Variants in ZNF668 observed in about 807,000 individuals in gnomAD.
ZNF668 encodes the protein zinc finger protein 668.
A neutral mutation model predicts 40.3 loss-of-function variants in ZNF668; 10 were observed. The ratio of observed to expected loss-of-function variants is 0.25; its 90% CI spans 0.15 to 0.42. The LOEUF is 0.42. Among genes scored for constraint, ZNF668 ranks in the 10% least tolerant of loss-of-function variants. The pLI is 1.00. For missense variants in ZNF668, 749 were observed against 904.6 expected, an observed-to-expected ratio of 0.83 and a Z score of 2.21; for synonymous variants, 428 against 384.6, an observed-to-expected ratio of 1.11 and a Z score of -1.32.
At chr16:31,064,677 G>A (rs878921929) in intron 1 of ZNF668, 196 bp from the exon 2 acceptor site, 3 of 1,536,024 alleles carry the variant, frequency 2.0e-6, no homozygotes, top group Admixed American at 2.0e-5. Flanking sequence ...CCAAGTGTCC[G>A]CAGAGCCACT....
intron 1 of ZNF668, among the ~76,000 whole-genome samples, chr16:31,068,673 C>T (rs1482625088): frequency 6.6e-6 from 1 of 152,084 alleles, no homozygotes; most frequent in Non-Finnish European, 1.5e-5. Flanking sequence ...GTGGTGCAGT[C>T]ATGGCTTACT....
Position 31,063,847 on chromosome 16 carries a change from AGGCTTT to A in ZNF668, c.607_612del (p.Lys203_Ala204del). On this transcript the variant is annotated inframe_deletion, in exon 2 of 3. Coordinates refer to ENST00000300849, the MANE Select transcript of ZNF668 (RefSeq NM_024706.5). Reference sequence around the variant, plus strand: ...TTGCGGAGGTCCTTGAGCTCCGCATAGGCTTTGCCGCAACGCTCACAGCTGTAGGGC... The same window carrying A: ...TTGCGGAGGTCCTTGAGCTCCGCATAGCCGCAACGCTCACAGCTGTAGGGC... The A allele has an allele frequency of 1.3e-6, 2 of 1,590,532 alleles. No homozygotes were observed. Among genetic ancestry groups the A allele is most frequent in the Non-Finnish European group, 1.7e-6 (2 of 1,166,140 alleles).
chr16:31,070,080 C>T (rs144328525), intron 1 of ZNF668, among the ~76,000 whole-genome samples: 1,896 of 147,950 alleles, frequency 0.013, 19 homozygotes, highest in African/African-American at 0.033. Flanking sequence ...GGCCCAATCC[C>T]GGCTAATTTT....
At chr16:31,066,393 A>T (rs2056982021) in intron 1 of ZNF668, 1 of 984,748 alleles carries the variant, frequency 1.0e-6, no homozygotes, top group Non-Finnish European at 1.2e-6. Flanking sequence ...CACTTTTCCC[A>T]CTAAATCCTA....
chr16:31,065,049 C>T, intron 1 of ZNF668: 1 of 1,082,808 alleles, frequency 9.2e-7, no homozygotes, highest in Non-Finnish European at 1.1e-6. Flanking sequence ...GAATTCTGGC[C>T]TTGCACAGCT....
chr16:31,063,912 A>G lies in ZNF668; in HGVS notation c.548T>C (p.Phe183Ser). 1 of 1,596,348 alleles carries G rather than the reference A, an allele frequency of 6.3e-7. No individual in the cohort carries two copies. Among genetic ancestry groups the G allele is most frequent in the Non-Finnish European group, 8.5e-7 (1 of 1,172,110 alleles). ...AGCGTGAGTACGCCGGTGCTTGCGG[A>G]ACACTGAAGGGTCAGCAAAGCTCTT... Reference protein sequence around the residue: ...CGKSFADPSVFRKHRRTHAGL... With the variant: ...CGKSFADPSVSRKHRRTHAGL... Residue 183 changes from phenylalanine to serine, a missense_variant, in exon 2 of 3, where the codon TTC becomes TCC. Transcript: ENST00000300849.
intron 1 of ZNF668, among the ~76,000 whole-genome samples, chr16:31,069,832 T>G (rs1370911718): frequency 1.5e-5 from 2 of 132,462 alleles, no homozygotes; most frequent in Non-Finnish European, 1.6e-5. Flanking sequence ...TGGAGTGCAG[T>G]GGCACAATCC....
rs925069877 is a variant in ZNF668, at chr16:31,064,913, G to C, written c.-22-432C>G. The C allele has an allele frequency of 1.7e-5, 23 of 1,392,446 alleles. No homozygotes were observed. In the African/African-American group the frequency reaches 3.3e-4, roughly 20 times the overall value. 86.3% of individuals were successfully genotyped at this position (1,392,446 alleles called of 1,614,324 possible). The stretch of plus-strand genomic sequence containing the variant: ...CCCAGAAAAGACAGACCTGGGACCA[G>C]AAAAGGGCTGAGCCAATGGGCTAAA... On this transcript the variant is annotated intron_variant, in intron 1 of 2. Coordinates refer to ENST00000300849, the MANE Select transcript of ZNF668 (RefSeq NM_024706.5).
rs761786833 is a variant in ZNF668, at chr16:31,061,454, G to C, written c.1474C>G (p.Arg492Gly). 2 of 1,613,744 alleles carry C rather than the reference G, an allele frequency of 1.2e-6. No homozygotes were observed. The highest frequency in any genetic ancestry group is 1.1e-5 in the South Asian group (1 of 91,088). The change falls in exon 3 of 3, where the codon CGG becomes GGG. Residue 492 changes from arginine to glycine, a missense_variant. Around this residue, in one of 4 missense-constraint regions of ZNF668, gnomAD observed 310 missense variants for 355.1 expected, o/e 0.87. Transcript: ENST00000300849. The surrounding 1 kb of genome is among the most constrained non-coding windows in gnomAD (Gnocchi z 7.7). ...EHVECQDAGVREAPGPLEGAG... is the reference protein window; with the variant it reads ...EHVECQDAGVGEAPGPLEGAG... ...CCTTCCAAGGGACCAGGAGCCTCCCGGACACCAGCATCTTGGCATTCCACA... is the reference window on the plus strand; with the variant it reads ...CCTTCCAAGGGACCAGGAGCCTCCCCGACACCAGCATCTTGGCATTCCACA...
intron 2 of ZNF668, among the ~76,000 whole-genome samples, chr16:31,063,347 T>C (rs1426628118): frequency 1.3e-5 from 2 of 151,874 alleles, no homozygotes; most frequent in African/African-American, 4.8e-5. Context: ...CCCAGGCTGG[T>C]CTTGAACTCT....
rs1205804726 is a variant in ZNF668, at chr16:31,064,015, A to T, written c.445T>A (p.Tyr149Asn). Reference sequence around the variant, plus strand: ...ATCTTGAGCTTGGAGAGCGCGCCATAGGCCTTCGGGCAGTGCGCACAGCGG... The same window carrying T: ...ATCTTGAGCTTGGAGAGCGCGCCATTGGCCTTCGGGCAGTGCGCACAGCGG... ...PFRCAHCPKA[Y>N]GALSKLKIHQ... The change falls in exon 2 of 3, where the codon TAT (tyrosine) becomes AAT (asparagine). Residue 149 changes from tyrosine to asparagine, a missense_variant. Physicochemically the swap from Tyr to Asn is moderately radical, Grantham distance 143. Around this residue, in one of 4 missense-constraint regions of ZNF668, gnomAD observed 151 missense variants for 178.6 expected, o/e 0.85. Transcript: ENST00000300849. 1 of 1,607,966 alleles carries T rather than the reference A, an allele frequency of 6.2e-7. No homozygotes were observed. The highest frequency in any genetic ancestry group is 1.7e-5 in the Admixed American group (1 of 59,836).
chr16:31,063,196 G>A (rs976678889), intron 2 of ZNF668, among the ~76,000 whole-genome samples: 3 of 152,134 alleles, frequency 2.0e-5, no homozygotes, highest in African/African-American at 7.2e-5. Flanking sequence ...GCAGTGGCCT[G>A]ACCATAGCTC....
At chr16:31,067,803 G>T (rs563828840) in intron 1 of ZNF668, among the ~76,000 whole-genome samples, 5 of 152,238 alleles carry the variant, frequency 3.3e-5, no homozygotes, top group Admixed American at 2.0e-4. Flanking sequence ...TTCAGTCCAG[G>T]TGTTTAATTT....
intron 2 of ZNF668, 22 bp from the exon 3 acceptor site, chr16:31,062,302 G>C (rs551947850): frequency 5.7e-6 from 9 of 1,572,070 alleles, no homozygotes; most frequent in Non-Finnish European, 7.7e-6. Flanking sequence ...TGGAGGACTT[G>C]GCATGAAGGC....
In ZNF668 at chr16:31,063,843, G is replaced by C; in HGVS notation, c.617C>G (p.Ala206Gly). 6.3e-7 allele frequency: 1 copy of C among 1,589,732 alleles called. No homozygotes were observed. Among genetic ancestry groups the C allele is most frequent in the African/African-American group, 1.3e-5 (1 of 74,466 alleles). Residue 206 changes from alanine to glycine, a missense_variant, in exon 2 of 3, where the codon GCG becomes GGG. Around this residue, in one of 4 missense-constraint regions of ZNF668, gnomAD observed 151 missense variants for 178.6 expected, o/e 0.85. Coordinates refer to ENST00000300849, the MANE Select transcript of ZNF668 (RefSeq NM_024706.5). ...YSCERCGKAY[A>G]ELKDLRNHER... ...ATGGTTGCGGAGGTCCTTGAGCTCCGCATAGGCTTTGCCGCAACGCTCACA... is the reference window on the plus strand; with the variant it reads ...ATGGTTGCGGAGGTCCTTGAGCTCCCCATAGGCTTTGCCGCAACGCTCACA...
In ZNF668 at chr16:31,063,920, A is replaced by C. The variant is rs768610669; in HGVS notation, c.540T>G (p.Pro180=). The part of the protein sequence containing the change: ...CADCGKSFAD[P]SVFRKHRRTH... Reference sequence around the variant, plus strand: ...TACGCCGGTGCTTGCGGAACACTGAAGGGTCAGCAAAGCTCTTGCCGCAGT... The same window carrying C: ...TACGCCGGTGCTTGCGGAACACTGACGGGTCAGCAAAGCTCTTGCCGCAGT... Residue 180 remains proline (P), a synonymous_variant, in exon 2 of 3, where the codon CCT becomes CCG. Transcript: ENST00000300849. 2.5e-6 allele frequency: 4 copies of C among 1,597,670 alleles called. No individual in the cohort carries two copies. In the East Asian group the frequency reaches 9.1e-5, roughly 37 times the overall value.
At position 31,074,201 on chromosome 16, in the gene ZNF668, C is replaced by T. The variant is rs2057045522; in HGVS notation, c.-565G>A. The T allele has an allele frequency of 6.6e-6, 1 of 152,254 alleles. No individual in the cohort carries two copies. The highest frequency in any genetic ancestry group is 1.5e-5 in the Non-Finnish European group (1 of 68,064). The allele number at this position is 152,254 out of a possible 1,614,324, so 9.4% of individuals were successfully genotyped here. On this transcript the variant is annotated 5_prime_UTR_variant, in exon 1 of 3. Coordinates refer to ENST00000300849, the MANE Select transcript of ZNF668 (RefSeq NM_024706.5). The stretch of plus-strand genomic sequence containing the variant: ...TCCCTTTCTGCGCCTATTCAATATG[C>T]ACCGGAACGATTCTAGCTGCTCTTG...
chr16:31,071,787 C>G (rs1307686281), intron 1 of ZNF668, among the ~76,000 whole-genome samples: 2 of 152,182 alleles, frequency 1.3e-5, no homozygotes, highest in African/African-American at 4.8e-5. Flanking sequence ...ATGGTGTCAT[C>G]TGGACAATAC....
rs2143767442 is a variant in ZNF668 at position 31,064,848 on chromosome 16, G to C, written c.-22-367C>G. On this transcript the variant is annotated intron_variant, in intron 1 of 2. Coordinates refer to ENST00000300849, the MANE Select transcript of ZNF668 (RefSeq NM_024706.5). ...TCCAAGAACTATGCCAGGATAAAGA[G>C]TGTACCCAGACGTGGGCCTGGCCTG... is the stretch of plus-strand genomic sequence containing the variant. 6 of 1,440,324 alleles carry C rather than the reference G, an allele frequency of 4.2e-6. No individual in the cohort carries two copies. The South Asian group carries it at 8.9e-5, about 21-fold the overall frequency. 89.2% of individuals were successfully genotyped at this position (1,440,324 alleles called of 1,614,324 possible). A position where few individuals can be genotyped will look rare whatever the true frequency, so the allele number is the denominator to read the frequency against.
Sources: gnomAD v4.1 joint callset for allele counts (sites outside exome capture counted in the v4.1 genomes callset) on GRCh38, gnomAD v4.1.1 for gene constraint, gnomAD v4.1.1 regional missense constraint, Gnocchi (gnomAD v3.1) non-coding constraint, MANE v1.5 for transcripts, NCBI Gene and HGNC (gene_info 2026-07-23, HGNC 2026-07-21) for gene names.